Variants in STXBP4 observed in about 807,000 individuals in gnomAD.
The protein encoded by STXBP4 is syntaxin binding protein 4, also known as syntaxin-binding protein 4.
A neutral mutation model predicts 76.1 loss-of-function variants in STXBP4; 55 were observed. The ratio of observed to expected loss-of-function variants is 0.72; its 90% CI spans 0.58 to 0.91. The LOEUF (loss-of-function observed/expected upper bound fraction) is 0.91. Among genes scored for constraint, STXBP4 ranks in the 40% least tolerant of loss-of-function variants. The probability of loss-of-function intolerance (pLI) is 0.00; values close to 1 mark genes in which losing one functional copy is unlikely to be tolerated. For missense variants in STXBP4, 618 were observed against 636.9 expected (o/e 0.97, Z 0.32); for synonymous variants, 201 against 220.2 (o/e 0.91, Z 0.77).
intron 16 of STXBP4, among the ~76,000 whole-genome samples, chr17:55,129,070 C>T (rs925738422): frequency 3.3e-5 from 5 of 151,842 alleles, no homozygotes; most frequent in African/African-American, 9.7e-5. Flanking sequence ...GCTGGGACTA[C>T]AGACACTCGC....
intron 16 of STXBP4, among the ~76,000 whole-genome samples, chr17:55,128,184 G>C (rs1389080133): frequency 1.3e-5 from 2 of 152,166 alleles, no homozygotes; most frequent in Non-Finnish European, 2.9e-5. Context: ...GATAGTTCTT[G>C]AGTGCCCACT....
At position 55,161,811 on chromosome 17, in the gene STXBP4, C is replaced by T. The variant is rs1358889236; in HGVS notation, c.*1900C>T. 1.3e-5 allele frequency: 2 copies of T among 152,104 alleles called. No individual in the cohort carries two copies. Among genetic ancestry groups the T allele is most frequent in the Non-Finnish European group, 2.9e-5 (2 of 68,030 alleles). 9.4% of individuals were successfully genotyped at this position (152,104 alleles called of 1,614,324 possible). On this transcript the variant is annotated 3_prime_UTR_variant, in exon 18 of 18. Transcript: ENST00000376352. Reference sequence around the variant, plus strand: ...ATGAAATAGGAACTGTAATTATCCCCAATTCTAAAAGAAAAAACTTAGTTT... The same window carrying T: ...ATGAAATAGGAACTGTAATTATCCCTAATTCTAAAAGAAAAAACTTAGTTT...
At position 55,087,742 on chromosome 17, in the gene STXBP4, T is replaced by A. The variant is rs185497015; in HGVS notation, c.1489+6559T>A. Among the ~76,000 whole-genome samples the A allele has an allele frequency of 2.4e-3, 358 of 152,244 alleles. 9 individuals are homozygous for A. Among genetic ancestry groups the A allele is most frequent in the East Asian group, 1.5e-3 (8 of 5,186 alleles). ...TCTTCAGGGTCTCTTGTGGTTCCAT[T>A]AAAATTTTAGAATTTTTTTCTGTTT... On this transcript the variant is annotated intron_variant, in intron 16 of 17. Coordinates refer to ENST00000376352, the MANE Select transcript of STXBP4 (RefSeq NM_178509.6).
chr17:55,038,102 T>G (rs2078635828), intron 10 of STXBP4, among the ~76,000 whole-genome samples: 1 of 152,192 alleles, frequency 6.6e-6, no homozygotes, highest in Admixed American at 6.6e-5. Flanking sequence ...CTGTTAGGCA[T>G]GTATGTCTTT....
chr17:55,159,903 A>G lies in STXBP4; in HGVS notation c.1654A>G (p.Lys552Glu), dbSNP rs765872260. The G allele has an allele frequency of 6.2e-6, 10 of 1,607,946 alleles. No homozygotes were observed. The South Asian group carries it at 1.1e-4, about 18-fold the overall frequency. ...TTGCTCTAGAGAACTCCCCAACCAGAAAAGTTGATGGTTTTCCTTAGGAAG... is the reference window on the plus strand; with the variant it reads ...TTGCTCTAGAGAACTCCCCAACCAGGAAAGTTGATGGTTTTCCTTAGGAAG... ...EDCSRELPNQ[K>E]S The change falls in exon 18 of 18, where the codon AAA (lysine) becomes GAA (glutamate). Residue 552 changes from lysine to glutamate, a missense_variant. Lys to Glu is a moderately conservative substitution (Grantham distance 56). Transcript: ENST00000376352.
rs762490344 is a variant in STXBP4, at chr17:55,078,178, T to G, written c.1289T>G (p.Leu430Arg). 6.2e-7 allele frequency: 1 copy of G among 1,608,954 alleles called. No individual in the cohort carries two copies. The highest frequency in any genetic ancestry group is 8.5e-7 in the Non-Finnish European group (1 of 1,177,984). ...ACTTTTGAGGCATCCACTGAAAAGC[T>G]TCTTCATTTTGTAGAGGTAAGTTTT... Reference protein sequence around the residue: ...RKTFEASTEKLLHFVEAIQEV... With the variant: ...RKTFEASTEKRLHFVEAIQEV... The change falls in exon 14 of 18, where the codon CTT (leucine) becomes CGT (arginine). Residue 430 changes from leucine to arginine, a missense_variant. Physicochemically the swap from Leu to Arg is moderately radical, Grantham distance 102. Coordinates refer to ENST00000376352, the MANE Select transcript of STXBP4 (RefSeq NM_178509.6).
chr17:55,020,273 T>G (rs764746682), intron 8 of STXBP4, among the ~76,000 whole-genome samples: 4 of 152,240 alleles, frequency 2.6e-5, no homozygotes, highest in Non-Finnish European at 5.9e-5. Flanking sequence ...CTTCACTCTC[T>G]TCAACCATCT....
chr17:55,055,379 G>A (rs543103417), intron 12 of STXBP4, among the ~76,000 whole-genome samples: 1 of 152,102 alleles, frequency 6.6e-6, no homozygotes, highest in Admixed American at 6.6e-5. Flanking sequence ...TAACCAACTT[G>A]TTGGGCCTAC....
At chr17:55,048,930 C>G (rs1372966285) in intron 12 of STXBP4, among the ~76,000 whole-genome samples, 7 of 151,690 alleles carry the variant, frequency 4.6e-5, no homozygotes, top group Admixed American at 3.3e-4. Context: ...GAAATCTGAC[C>G]TGGAAAGATT....
intron 12 of STXBP4, among the ~76,000 whole-genome samples, chr17:55,060,309 T>TA (rs1350875655): frequency 6.6e-6 from 1 of 152,104 alleles, no homozygotes; most frequent in African/African-American, 2.4e-5. Context: ...TTAGTGAAAA[T>TA]ACCTTTCCAT....
intron 16 of STXBP4, among the ~76,000 whole-genome samples, chr17:55,110,979 C>G (rs2079706051): frequency 6.6e-6 from 1 of 152,148 alleles, no homozygotes. Flanking sequence ...GAAACGTTGC[C>G]TGGCTAGCAC....
chr17:55,108,183 C>A (rs2079659562), intron 16 of STXBP4, among the ~76,000 whole-genome samples: 1 of 152,208 alleles, frequency 6.6e-6, no homozygotes, highest in South Asian at 2.1e-4. Flanking sequence ...CCAGTTCGAA[C>A]TTCCTGGCAG....
rs370116363 is a variant in STXBP4, at chr17:54,986,257, T to G, written c.38T>G (p.Leu13Arg). ...KNTSTVVSPSLLEKDPAFQMI... is the reference protein window; with the variant it reads ...KNTSTVVSPSRLEKDPAFQMI... ...ACATCTACTGTAGTATCACCCAGTC[T>G]ACTTGAAAAGTAATTTTTAAGTTTA... The change falls in exon 3 of 18, where the codon CTA becomes CGA. Residue 13 changes from leucine (L) to arginine (R), a missense_variant. Leu to Arg is a moderately radical substitution (Grantham distance 102, BLOSUM62 -2). Coordinates refer to ENST00000376352, the MANE Select transcript of STXBP4 (RefSeq NM_178509.6). 1.3e-6 allele frequency: 2 copies of G among 1,593,406 alleles called. No individual in the cohort carries two copies. The highest frequency in any genetic ancestry group is 1.7e-6 in the Non-Finnish European group (2 of 1,169,168).
intron 1 of STXBP4, among the ~76,000 whole-genome samples, chr17:54,973,978 T>G (rs2643022): frequency 0.012 from 1,848 of 152,354 alleles, 33 homozygotes; most frequent in African/African-American, 0.042. Context: ...CATTTTGATA[T>G]TCACATAATG....
intron 10 of STXBP4, among the ~76,000 whole-genome samples, chr17:55,037,744 A>C (rs894518800): frequency 1.3e-5 from 2 of 152,204 alleles, no homozygotes; most frequent in Non-Finnish European, 2.9e-5. Flanking sequence ...AAAGCCTGTC[A>C]AAGCATTAGT....
At chr17:55,043,761 A>G in intron 11 of STXBP4, 1 of 970,738 alleles carries the variant, frequency 1.0e-6, no homozygotes, top group East Asian at 2.8e-5. Flanking sequence ...AATTAATATT[A>G]TTTTAGAGAG....
chr17:55,081,362 T>G (rs1015804405), intron 16 of STXBP4, among the ~76,000 whole-genome samples, 179 bp downstream of exon 16: 3 of 152,208 alleles, frequency 2.0e-5, no homozygotes, highest in Non-Finnish European at 4.4e-5. Context: ...AGGCTCAGAA[T>G]GAAGCTCTAA....
chr17:54,983,836 C>T (rs1255584259), intron 1 of STXBP4, among the ~76,000 whole-genome samples: 2 of 152,166 alleles, frequency 1.3e-5, no homozygotes, highest in Non-Finnish European at 2.9e-5. Context: ...GAACTCTCTT[C>T]CATGACTATA....
intron 12 of STXBP4, among the ~76,000 whole-genome samples, chr17:55,056,287 T>G (rs990718964): frequency 6.6e-6 from 1 of 152,206 alleles, no homozygotes; most frequent in African/African-American, 2.4e-5. Context: ...TTTTTTATAC[T>G]GTATCTTTGA....
Sources: gnomAD v4.1 joint callset for allele counts (sites outside exome capture counted in the v4.1 genomes callset) on GRCh38, gnomAD v4.1.1 for gene constraint, MANE v1.5 for transcripts, NCBI Gene and HGNC (gene_info 2026-07-23, HGNC 2026-07-21) for gene names.